The following LILRB1 variants were observed in gnomAD, a reference collection of about 807,000 sequenced individuals.
LILRB1 encodes leukocyte immunoglobulin like receptor B1, also known as leukocyte immunoglobulin-like receptor subfamily B member 1.
Under a neutral mutation model 74.6 loss-of-function variants are expected in LILRB1, and 59 were observed. That is an observed-to-expected ratio of 0.79 (90% CI 0.64 to 0.98). The LOEUF (loss-of-function observed/expected upper bound fraction) is 0.98. LILRB1 is among the 50% of genes least tolerant of loss of function. The pLI is 0.00. For missense variants in LILRB1, 804 were observed against 822.6 expected (o/e 0.98, Z 0.28); for synonymous variants, 328 against 333.9 (o/e 0.98, Z 0.19).
In LILRB1 at chr19:54,617,553, CTGTGTGTGTG is replaced by C. The variant is rs55635122; in HGVS notation, c.-166+231_-166+240del. ...TTTTGAAGTAAAAGCTACAGGATGT[CTGTGTGTGTG>C]TGTGTGTGTGTGTGTGTGTGTGTGT... On this transcript the variant is annotated intron_variant, in intron 1 of 15. Coordinates refer to the LILRB1 transcript ENST00000396331. Among the ~76,000 whole-genome samples the C allele has an allele frequency of 3.6e-4, 51 of 143,304 alleles. No homozygotes were observed. In the South Asian group the frequency reaches 3.9e-3, roughly 11 times the overall value. 94.0% of individuals were successfully genotyped at this position (143,304 alleles called of 152,430 possible).
chr19:54,633,728 T>C, intron 8 of LILRB1, 40 bp downstream of exon 8: 1 of 1,593,450 alleles, frequency 6.3e-7, no homozygotes, highest in Non-Finnish European at 8.6e-7. Context: ...GAGTGCGGCC[T>C]CCCCCAGGGC....
In LILRB1 at chr19:54,631,480, G is replaced by C; in HGVS notation, c.71-20G>C. ...TTGGGTGGGAAATGAGTTAGAATCTGACTCCTGATTTCCTTCCAGGGCACC... is the reference window on the plus strand; with the variant it reads ...TTGGGTGGGAAATGAGTTAGAATCTCACTCCTGATTTCCTTCCAGGGCACC... On this transcript the variant is annotated intron_variant, in intron 3 of 14. Coordinates refer to ENST00000324602, the MANE Select transcript of LILRB1 (RefSeq NM_001081637.3). 6.3e-7 allele frequency: 1 copy of C among 1,599,012 alleles called. No homozygotes were observed. The highest frequency in any genetic ancestry group is 8.5e-7 in the Non-Finnish European group (1 of 1,172,146).
At position 54,635,793 on chromosome 19, in the gene LILRB1, C is replaced by T. The variant is rs757861684; in HGVS notation, c.1653+184C>T. 1.5e-5 allele frequency: 12 copies of T among 777,938 alleles called. No homozygotes were observed. The East Asian group carries it at 2.6e-4, about 17-fold the overall frequency. The allele number at this position is 777,938 out of a possible 1,614,324, so 48.2% of individuals were successfully genotyped here. A position where few individuals can be genotyped will look rare whatever the true frequency, so the allele number is the denominator to read the frequency against. On this transcript the variant is annotated intron_variant, in intron 13 of 14. Transcript: ENST00000324602. ...CCTGCTGTCCTGGGACCTCGTGGGC[C>T]TCCTCCCGGGTCCCCTTCCTGCTCC...
upstream of LILRB1, chr19:54,630,389 T>C (rs141412447): frequency 1.5e-3 from 307 of 203,566 alleles, 1 homozygote; most frequent in African/African-American, 0.01. Flanking sequence ...AGCAAAATAT[T>C]TTAAAAAGGG....
In LILRB1 at chr19:54,631,764, AC is replaced by A. The variant is rs769850792; in HGVS notation, c.340del (p.Leu114TrpfsTer5). 4,058 of 1,611,942 alleles carry A rather than the reference AC, an allele frequency of 2.5e-3. No homozygotes were observed. The East Asian group carries it at 0.048, about 19-fold the overall frequency. On this transcript the variant is annotated frameshift_variant, in exon 4 of 15. Coordinates refer to ENST00000324602, the MANE Select transcript of LILRB1 (RefSeq NM_001081637.3). LOFTEE classifies it high-confidence loss of function. ...ACTGCAGGCCGCTCAGAGAGCAGTGACCCCCTGGAGCTGGTGGTGACAGGTG... is the reference window on the plus strand; with the variant it reads ...ACTGCAGGCCGCTCAGAGAGCAGTGACCCCTGGAGCTGGTGGTGACAGGTG... ...SDTAGRSESSDPLELVVTGAY... is the reference protein window; with the variant it reads ...SDTAGRSESSXPLELVVTGAY...
At chr19:54,624,778 A>C (rs1056431766) in intron 1 of LILRB1, among the ~76,000 whole-genome samples, 1 of 152,130 alleles carries the variant, frequency 6.6e-6, no homozygotes, top group African/African-American at 2.4e-5. Flanking sequence ...GCTGGTCCCC[A>C]GGGCACAGGC....
chr19:54,620,944 C>T (rs1327995079), intron 1 of LILRB1, among the ~76,000 whole-genome samples: 1 of 152,090 alleles, frequency 6.6e-6, no homozygotes, highest in Non-Finnish European at 1.5e-5. Flanking sequence ...GCCATCTCTG[C>T]TCACTGCAAC....
rs369237131 is a variant in LILRB1, at chr19:54,631,071, G to C, written c.-3G>C. 6 of 1,614,048 alleles carry C rather than the reference G, an allele frequency of 3.7e-6. No individual in the cohort carries two copies. In the African/African-American group the frequency reaches 6.7e-5, roughly 18 times the overall value. ...ACAGAGCAGGGCAGTGGGAGGAGACGCCATGACCCCCATCCTCACGGTCCT... is the reference window on the plus strand; with the variant it reads ...ACAGAGCAGGGCAGTGGGAGGAGACCCCATGACCCCCATCCTCACGGTCCT... On this transcript the variant is annotated 5_prime_UTR_variant, in exon 2 of 15. Transcript: ENST00000324602.
upstream of LILRB1, among the ~76,000 whole-genome samples, chr19:54,627,993 T>C (rs1469284099): frequency 2.0e-5 from 3 of 152,148 alleles, no homozygotes; most frequent in Non-Finnish European, 4.4e-5. Context: ...GCTTCGAGAG[T>C]ACACAAAACA....
At chr19:54,635,906 C>A (rs2064364426) in intron 13 of LILRB1, 1 of 628,828 alleles carries the variant, frequency 1.6e-6, no homozygotes, top group South Asian at 1.5e-5. Context: ...GTCCCCCAGG[C>A]TCCCCTTCAT....
rs1277257809 is a variant in LILRB1, at chr19:54,631,844, C to A, written c.358+57C>A. 7.5e-6 allele frequency: 12 copies of A among 1,605,342 alleles called. No individual in the cohort carries two copies. The South Asian group carries it at 1.2e-4, about 16-fold the overall frequency. On this transcript the variant is annotated intron_variant, in intron 4 of 14. Coordinates refer to ENST00000324602, the MANE Select transcript of LILRB1 (RefSeq NM_001081637.3). Reference sequence around the variant, plus strand: ...ACTCTGCCCTCAGGAAGGGGGACGGCTCTCAGGGGCTTCTCCCTCTCACAG... The same window carrying A: ...ACTCTGCCCTCAGGAAGGGGGACGGATCTCAGGGGCTTCTCCCTCTCACAG...
At chr19:54,617,160 G>A (rs965162066) in exon 1 of LILRB1, 2 of 152,254 alleles carry the variant, frequency 1.3e-5, no homozygotes, top group African/African-American at 4.8e-5. Context: ...GAAGAGAAGA[G>A]AAAAGAGGAG....
intron 1 of LILRB1, among the ~76,000 whole-genome samples, chr19:54,622,724 G>A (rs1421355724): frequency 6.6e-6 from 1 of 152,196 alleles, no homozygotes; most frequent in Admixed American, 6.5e-5. Context: ...TAGGAGTGGT[G>A]AGAGTGGACA....
At chr19:54,616,960 GCA>G (rs1275863539), upstream of LILRB1, among the ~76,000 whole-genome samples, 1 of 152,164 alleles carries the variant, frequency 6.6e-6, no homozygotes, top group Non-Finnish European at 1.5e-5. Flanking sequence ...TGTCCAGGAA[GCA>G]CATATGGGAG....
intron 1 of LILRB1, among the ~76,000 whole-genome samples, chr19:54,624,904 G>T (rs1025398923): frequency 6.7e-6 from 1 of 149,434 alleles, no homozygotes; most frequent in East Asian, 2.0e-4. Context: ...ATGTCCAGGT[G>T]GGGGCAGGGT....
upstream of LILRB1, among the ~76,000 whole-genome samples, chr19:54,616,813 A>G (rs1168752330): frequency 6.6e-6 from 1 of 152,134 alleles, no homozygotes; most frequent in Non-Finnish European, 1.5e-5. Context: ...TTAAAAAAGA[A>G]AGGGCATTTT....
chr19:54,620,970 T>G (rs1336392655), intron 1 of LILRB1, among the ~76,000 whole-genome samples: 1 of 152,136 alleles, frequency 6.6e-6, no homozygotes, highest in Non-Finnish European at 1.5e-5. Flanking sequence ...GCTCCTGGGT[T>G]CAAGCGATTC....
upstream of LILRB1, among the ~76,000 whole-genome samples, chr19:54,627,811 C>A (rs368745086): frequency 6.6e-6 from 1 of 152,210 alleles, no homozygotes; most frequent in Non-Finnish European, 1.5e-5. Context: ...AAGAAGACTT[C>A]TAGGACCAGA....
chr19:54,621,696 A>T (rs1210782644), intron 1 of LILRB1, among the ~76,000 whole-genome samples: 1 of 151,916 alleles, frequency 6.6e-6, no homozygotes, highest in Non-Finnish European at 1.5e-5. Flanking sequence ...AATTTTAATC[A>T]TGTCTCATTT....
Sources: gnomAD v4.1 joint callset for allele counts (sites outside exome capture counted in the v4.1 genomes callset) on GRCh38, gnomAD v4.1.1 for gene constraint, MANE v1.5 for transcripts, NCBI Gene and HGNC (gene_info 2026-07-23, HGNC 2026-07-21) for gene names.